Variants in SNAPC1 observed in about 807,000 individuals in gnomAD.
SNAPC1 encodes the protein small nuclear RNA activating complex polypeptide 1, also known as snRNA-activating protein complex subunit 1.
Under a neutral mutation model 50.1 loss-of-function variants are expected in SNAPC1, and 42 were observed. That is an observed-to-expected ratio of 0.84 (90% CI 0.65 to 1.08). The LOEUF (loss-of-function observed/expected upper bound fraction) is 1.08. Among genes scored for constraint, SNAPC1 ranks in the 50% least tolerant of loss-of-function variants. The probability of loss-of-function intolerance (pLI) is 0.00; values close to 1 mark genes in which losing one functional copy is unlikely to be tolerated. For missense variants in SNAPC1, 477 were observed against 427.3 expected (o/e 1.12, Z -1.02); for synonymous variants, 164 against 144.2 (o/e 1.14, Z -0.98).
At chr14:61,785,030 G>A (rs532222220) in intron 8 of SNAPC1, among the ~76,000 whole-genome samples, 2 of 152,160 alleles carry the variant, frequency 1.3e-5, no homozygotes, top group South Asian at 4.1e-4. Flanking sequence ...AGATTAAAAG[G>A]TGACCAAGGC....
At chr14:61,785,488 G>A (rs903053659) in intron 8 of SNAPC1, among the ~76,000 whole-genome samples, 2 of 152,200 alleles carry the variant, frequency 1.3e-5, no homozygotes, top group Non-Finnish European at 2.9e-5. Context: ...TGAGACCCCA[G>A]AATATCTGAG....
chr14:61,787,872 T>C (rs536531015), intron 8 of SNAPC1, among the ~76,000 whole-genome samples: 4 of 152,330 alleles, frequency 2.6e-5, no homozygotes, highest in South Asian at 2.1e-4. Context: ...ACAAGCACTT[T>C]TTATTAATTG....
chr14:61,791,917 T>C (rs1282430149), intron 8 of SNAPC1, among the ~76,000 whole-genome samples: 1 of 152,046 alleles, frequency 6.6e-6, no homozygotes, highest in Non-Finnish European at 1.5e-5. Context: ...TTTGTTCTTA[T>C]GTCTTTTTAA....
In SNAPC1 at chr14:61,791,362, T is replaced by C. The variant is rs2045151222; in HGVS notation, c.977-1445T>C. Among the ~76,000 whole-genome samples, 2 of 152,258 alleles carry C rather than the reference T, an allele frequency of 1.3e-5. 1 individual carries two copies. Among genetic ancestry groups the C allele is most frequent in the South Asian group, 4.1e-4 (2 of 4,836 alleles). On this transcript the variant is annotated intron_variant, in intron 8 of 9. Transcript: ENST00000216294. ...TTTTTTGCTATCTTTCTCAAATATA[T>C]TGCATTCTCTTTTATATGTTTCCTT...
rs767448709 is a variant in SNAPC1, at chr14:61,771,290, A to G, written c.534+2550A>G. 8.9e-4 allele frequency among the ~76,000 whole-genome samples: 135 copies of G among 152,310 alleles called. 4 individuals carry two copies. Among genetic ancestry groups the G allele is most frequent in the Non-Finnish European group, 3.2e-4 (22 of 68,024 alleles). The stretch of plus-strand genomic sequence containing the variant: ...ATTATTTTTAAAAATAGGGGTTTTT[A>G]TCCGTGATTTAAAGTTGAGGAAACT... On this transcript the variant is annotated intron_variant, in intron 4 of 9. Transcript: ENST00000216294.
intron 8 of SNAPC1, among the ~76,000 whole-genome samples, chr14:61,783,762 A>T (rs1327191002): frequency 2.7e-5 from 4 of 150,770 alleles, no homozygotes; most frequent in Admixed American, 6.6e-5. Context: ...CTGGTCTTGA[A>T]CTCCTGACTT....
At chr14:61,787,871 TTTTA>T (rs1188284849) in intron 8 of SNAPC1, among the ~76,000 whole-genome samples, 4 of 152,230 alleles carry the variant, frequency 2.6e-5, no homozygotes, top group Admixed American at 1.3e-4. Context: ...CACAAGCACT[TTTTA>T]TTAATTGCCT....
In SNAPC1 at chr14:61,778,163, A is replaced by G. The variant is rs758650524; in HGVS notation, c.762+23A>G. The G allele has an allele frequency of 1.7e-5, 25 of 1,445,686 alleles. No homozygotes were observed. In the East Asian group the frequency reaches 1.8e-4, roughly 11 times the overall value. The allele number at this position is 1,445,686 out of a possible 1,614,324, so 89.6% of individuals were successfully genotyped here. ...GAGGTCAGAAAACTTTGCAATTCAT[A>G]TTATGTGTGGCTGTGATTCTGTATA... On this transcript the variant is annotated intron_variant, in intron 6 of 9. Coordinates refer to ENST00000216294, the MANE Select transcript of SNAPC1 (RefSeq NM_003082.4).
intron 8 of SNAPC1, among the ~76,000 whole-genome samples, chr14:61,783,117 G>C (rs1381529770): frequency 6.8e-6 from 1 of 146,162 alleles, no homozygotes; most frequent in Non-Finnish European, 1.5e-5. Context: ...CCGCCTCCCA[G>C]GTCCAAGCAA....
intron 8 of SNAPC1, among the ~76,000 whole-genome samples, chr14:61,783,313 G>T (rs1401952766): frequency 6.6e-6 from 1 of 152,072 alleles, no homozygotes; most frequent in Non-Finnish European, 1.5e-5. Flanking sequence ...TTACAGGTAT[G>T]AGCCACCGCA....
chr14:61,790,223 T>C (rs2045142208), intron 8 of SNAPC1, among the ~76,000 whole-genome samples: 2 of 152,228 alleles, frequency 1.3e-5, no homozygotes, highest in Non-Finnish European at 2.9e-5. Flanking sequence ...TACTTAAGCT[T>C]ATGTTATTTA....
At chr14:61,775,341 C>G (rs1401524004) in intron 4 of SNAPC1, among the ~76,000 whole-genome samples, 1 of 151,714 alleles carries the variant, frequency 6.6e-6, no homozygotes. Context: ...CTGCAACCTC[C>G]GCCTCCCGGG....
intron 7 of SNAPC1, among the ~76,000 whole-genome samples, chr14:61,781,467 AAAG>A (rs1457654198): frequency 1.3e-5 from 2 of 149,858 alleles, no homozygotes; most frequent in African/African-American, 5.1e-5. Flanking sequence ...AAAAAAAAAA[AAAG>A]GACAGAAAAA....
rs2044909900 is a variant in SNAPC1 at position 61,762,420 on chromosome 14, A to AGGCGTGCGGGCTTCG, written c.-40_-39insGCGTGCGGGCTTCGG. The AGGCGTGCGGGCTTCG allele has an allele frequency of 7.2e-7, 1 of 1,387,532 alleles. No homozygotes were observed. Among genetic ancestry groups the AGGCGTGCGGGCTTCG allele is most frequent in the Non-Finnish European group, 9.8e-7 (1 of 1,015,940 alleles). The allele number at this position is 1,387,532 out of a possible 1,614,324, so 86.0% of individuals were successfully genotyped here. On this transcript the variant is annotated 5_prime_UTR_variant, in exon 1 of 10. Coordinates refer to ENST00000216294, the MANE Select transcript of SNAPC1 (RefSeq NM_003082.4). ...GGCGACCACCGCTGGCTAGTCCGTTAGAGGCGTGCGGGCTTCGGAGGCGTG... is the reference window on the plus strand; with the variant it reads ...GGCGACCACCGCTGGCTAGTCCGTTAGGCGTGCGGGCTTCGGAGGCGTGCGGGCTTCGGAGGCGTG...
chr14:61,763,492 T>C (rs927149454), intron 1 of SNAPC1, among the ~76,000 whole-genome samples: 1 of 133,782 alleles, frequency 7.5e-6, no homozygotes, highest in Non-Finnish European at 1.6e-5. Flanking sequence ...GCTGCTTTTT[T>C]TTTTTTTTTT....
In SNAPC1 at chr14:61,778,923, T is replaced by A; in HGVS notation, c.825+13T>A. On this transcript the variant is annotated intron_variant, in intron 7 of 9. Coordinates refer to ENST00000216294, the MANE Select transcript of SNAPC1 (RefSeq NM_003082.4). ...AGTTGTCATACAGGTAAGTTATTCT[T>A]TAATAAGGTAATTTGGAAATTGACT... The A allele has an allele frequency of 7.0e-7, 1 of 1,432,708 alleles. No homozygotes were observed. The highest frequency in any genetic ancestry group is 9.5e-7 in the Non-Finnish European group (1 of 1,047,840). The allele number at this position is 1,432,708 out of a possible 1,614,324, so 88.7% of individuals were successfully genotyped here.
chr14:61,764,906 A>T (rs1278107902), intron 1 of SNAPC1, among the ~76,000 whole-genome samples: 1 of 152,212 alleles, frequency 6.6e-6, no homozygotes, highest in Non-Finnish European at 1.5e-5. Flanking sequence ...CCTGCATTGT[A>T]ATCAGATATA....
intron 1 of SNAPC1, among the ~76,000 whole-genome samples, chr14:61,763,562 G>GT (rs1475128150): frequency 1.5e-5 from 2 of 132,284 alleles, no homozygotes; most frequent in South Asian, 2.6e-4. Flanking sequence ...CAACTCTCTT[G>GT]TTTTGTCCAC....
chr14:61,784,262 A>T (rs559479717), intron 8 of SNAPC1, among the ~76,000 whole-genome samples: 7 of 152,338 alleles, frequency 4.6e-5, no homozygotes, highest in African/African-American at 1.7e-4. Flanking sequence ...ACTTATGAGT[A>T]TTACTGAAAA....
Sources: allele counts gnomAD v4.1 joint callset (sites outside exome capture counted in the v4.1 genomes callset), GRCh38; gene constraint gnomAD v4.1.1; transcripts MANE v1.5; gene names NCBI Gene and HGNC (gene_info 2026-07-23, HGNC 2026-07-21).